Variants in NFXL1 observed in about 807,000 individuals in gnomAD.
NFXL1 encodes the protein nuclear transcription factor, X-box binding like 1.
A neutral mutation model predicts 123.3 loss-of-function variants in NFXL1; 66 were observed. That is an observed-to-expected ratio of 0.54 (90% confidence interval 0.44 to 0.66). The LOEUF (loss-of-function observed/expected upper bound fraction) is 0.66. Ranked by LOEUF, NFXL1 falls within the 30% of genes least tolerant of loss-of-function variation. The pLI, the probability that NFXL1 is intolerant of heterozygous loss-of-function variation, is 0.00. For missense variants in NFXL1, 944 were observed against 1,125.6 expected, an observed-to-expected ratio of 0.84 and a Z score of 2.31; for synonymous variants, 346 against 360.8, an observed-to-expected ratio of 0.96 and a Z score of 0.46.
chr4:47,848,571 G>A (rs1487960547), intron 22 of NFXL1, among the ~76,000 whole-genome samples: 2 of 152,046 alleles, frequency 1.3e-5, no homozygotes, highest in Non-Finnish European at 1.5e-5. Flanking sequence ...CAAACTGTAG[G>A]GCTGACTATG....
chr4:47,896,270 T>C (rs1737081145), intron 10 of NFXL1, among the ~76,000 whole-genome samples: 1 of 152,230 alleles, frequency 6.6e-6, no homozygotes, highest in African/African-American at 2.4e-5. Flanking sequence ...AAGACTTGTT[T>C]TACAAAGGCT....
intron 19 of NFXL1, 105 bp downstream of exon 19, chr4:47,862,741 A>G: frequency 1.3e-6 from 1 of 741,956 alleles, no homozygotes; most frequent in Non-Finnish European, 2.4e-6. Context: ...ATTTAAAAAG[A>G]TACAACAGAG....
rs1460262201 is a variant in NFXL1 at position 47,890,604 on chromosome 4, A to G, written c.1543+9T>C. 6.8e-7 allele frequency: 1 copy of G among 1,470,052 alleles called. No individual in the cohort carries two copies. Among genetic ancestry groups the G allele is most frequent in the East Asian group, 2.3e-5 (1 of 44,158 alleles). The allele number at this position is 1,470,052 out of a possible 1,614,324, so 91.1% of individuals were successfully genotyped here. A position where few individuals can be genotyped will look rare whatever the true frequency, so the allele number is the denominator to read the frequency against. On this transcript the variant is annotated intron_variant, in intron 12 of 22. Transcript: ENST00000507489. ...CAAACATAAAATCATAGCTATTATT[A>G]AAGTTTACCTCTGTGACAGACAGAT...
At chr4:47,853,490 C>G (rs890152480) in intron 20 of NFXL1, among the ~76,000 whole-genome samples, 1 of 151,878 alleles carries the variant, frequency 6.6e-6, no homozygotes, top group African/African-American at 2.4e-5. Context: ...ACATTATGAA[C>G]CCAGTACAAA....
intron 15 of NFXL1, among the ~76,000 whole-genome samples, chr4:47,880,188 G>C (rs1275270071): frequency 6.6e-6 from 1 of 151,952 alleles, no homozygotes; most frequent in Non-Finnish European, 1.5e-5. Flanking sequence ...CTGAGCACAG[G>C]AGTTTCAAGC....
chr4:47,861,260 G>A (rs1734751465), intron 19 of NFXL1, among the ~76,000 whole-genome samples: 1 of 152,154 alleles, frequency 6.6e-6, no homozygotes, highest in South Asian at 2.1e-4. Context: ...GACCATAAAC[G>A]AAAATGAGTT....
chr4:47,903,586 T>TTA (rs1222653010), intron 4 of NFXL1, among the ~76,000 whole-genome samples: 4 of 151,876 alleles, frequency 2.6e-5, no homozygotes, highest in Non-Finnish European at 4.4e-5. Context: ...ATCTCCAAAT[T>TTA]TATATATATA....
intron 12 of NFXL1, among the ~76,000 whole-genome samples, chr4:47,887,973 TA>T (rs934808977): frequency 8.8e-5 from 13 of 147,652 alleles, no homozygotes; most frequent in Admixed American, 2.0e-4. Flanking sequence ...ATCCTGAATT[TA>T]AAAAAAAAAA....
In NFXL1 at chr4:47,848,286, G is replaced by A; in HGVS notation, c.2613C>T (p.Asn871=). The A allele has an allele frequency of 2.5e-6, 4 of 1,612,440 alleles. No individual in the cohort carries two copies. The highest frequency in any genetic ancestry group is 3.4e-6 in the Non-Finnish European group (4 of 1,178,962). The change falls in exon 23 of 23, where the codon AAC becomes AAT. Residue 871 remains asparagine (N), a synonymous_variant. Transcript: ENST00000507489. ...ENRLKGRRKK[N]RKRDEVAVEL... Reference sequence around the variant, plus strand: ...CAACTGCCACTTCATCTCTTTTCCTGTTCTTCTTCCGACGACCCTTCAGTC... The same window carrying A: ...CAACTGCCACTTCATCTCTTTTCCTATTCTTCTTCCGACGACCCTTCAGTC...
intron 5 of NFXL1, among the ~76,000 whole-genome samples, chr4:47,900,146 G>A (rs1199912493): frequency 1.3e-5 from 2 of 151,982 alleles, no homozygotes; most frequent in African/African-American, 4.8e-5. Context: ...GAATTAAGGG[G>A]GAATAAACTT....
At chr4:47,909,051 C>A (rs886993164) in intron 3 of NFXL1, among the ~76,000 whole-genome samples, 1 of 151,924 alleles carries the variant, frequency 6.6e-6, no homozygotes, top group Non-Finnish European at 1.5e-5. Flanking sequence ...ATTAAACATT[C>A]CAGCAAACAG....
intron 20 of NFXL1, among the ~76,000 whole-genome samples, chr4:47,852,892 T>G (rs1374278176): frequency 6.6e-6 from 1 of 152,018 alleles, no homozygotes. Context: ...AGCTTAGACA[T>G]GAGATTACCA....
intron 3 of NFXL1, among the ~76,000 whole-genome samples, chr4:47,907,924 T>G (rs1449498600): frequency 6.6e-6 from 1 of 152,234 alleles, no homozygotes; most frequent in East Asian, 1.9e-4. Context: ...GAGTTACTTT[T>G]TATCAATTCT....
intron 15 of NFXL1, 147 bp downstream of exon 15, chr4:47,884,199 A>G: frequency 2.1e-6 from 1 of 474,048 alleles, no homozygotes; most frequent in South Asian, 4.3e-5. Context: ...AAAAGAATGA[A>G]GGTTAAGACA....
intron 18 of NFXL1, among the ~76,000 whole-genome samples, chr4:47,873,846 T>C (rs1431135755): frequency 1.3e-5 from 2 of 152,256 alleles, no homozygotes; most frequent in Non-Finnish European, 2.9e-5. Flanking sequence ...GAAGGCTGTT[T>C]TGTCTACATT....
At chr4:47,899,652 T>C (rs1737277299) in intron 5 of NFXL1, 104 bp from the exon 6 acceptor site, 4 of 692,128 alleles carry the variant, frequency 5.8e-6, no homozygotes, top group Admixed American at 2.8e-5. Context: ...TAGTTTTATG[T>C]TAAGGAACTC....
At chr4:47,899,344 A>C in intron 6 of NFXL1, 26 bp downstream of exon 6, 1 of 1,571,736 alleles carries the variant, frequency 6.4e-7, no homozygotes, top group African/African-American at 1.4e-5. Context: ...ACCCACAAAC[A>C]ATTTAAAATG....
At position 47,860,230 on chromosome 4, in the gene NFXL1, T is replaced by G. The variant is rs183091481; in HGVS notation, c.2316+2616A>C. 2.7e-3 allele frequency among the ~76,000 whole-genome samples: 404 copies of G among 152,258 alleles called. 2 individuals carry two copies. Among genetic ancestry groups the G allele is most frequent in the African/African-American group, 9.0e-3 (375 of 41,568 alleles). ...TTGCCTATGGTAAATATACAAAATT[T>G]TATCAATTAAAAACTTTGAACATTT... On this transcript the variant is annotated intron_variant, in intron 19 of 22. Coordinates refer to ENST00000507489, the MANE Select transcript of NFXL1 (RefSeq NM_001278624.2).
At position 47,903,250 on chromosome 4, in the gene NFXL1, A is replaced by G; in HGVS notation, c.590T>C (p.Phe197Ser). 1 of 1,600,970 alleles carries G rather than the reference A, an allele frequency of 6.2e-7. No individual in the cohort carries two copies. Among genetic ancestry groups the G allele is most frequent in the Non-Finnish European group, 8.5e-7 (1 of 1,173,230 alleles). Residue 197 changes from phenylalanine to serine, a missense_variant, in exon 5 of 23, where the codon TTT becomes TCT. Physicochemically the swap from Phe to Ser is radical, Grantham distance 155. Coordinates refer to ENST00000507489, the MANE Select transcript of NFXL1 (RefSeq NM_001278624.2). ...ATCATCAGTCACAGAAGATACAAGA[A>G]ACTGGCTGTCTTTAGCCCACTTCTG... ...CIQKWAKDSQ[F>S]LVSSVTDDDF...
Sources: gnomAD v4.1 joint callset for allele counts (sites outside exome capture counted in the v4.1 genomes callset) on GRCh38, gnomAD v4.1.1 for gene constraint, MANE v1.5 for transcripts, NCBI Gene and HGNC (gene_info 2026-07-23, HGNC 2026-07-21) for gene names.